ERG: variants seen among roughly 807,000 people sequenced by gnomAD.
The protein encoded by ERG is transcriptional regulator ERG.
A neutral mutation model predicts 55.3 loss-of-function variants in ERG; 9 were observed. That is an observed-to-expected ratio of 0.16 (90% CI 0.10 to 0.28). The LOEUF is 0.28. Among genes scored for constraint, ERG ranks in the 10% least tolerant of loss-of-function variants. The probability of loss-of-function intolerance (pLI) is 1.00; values close to 1 mark genes in which losing one functional copy is unlikely to be tolerated. For missense variants in ERG, 434 were observed against 631.6 expected, an observed-to-expected ratio of 0.69 and a Z score of 3.35; for synonymous variants, 223 against 237.3, an observed-to-expected ratio of 0.94 and a Z score of 0.55.
chr21:38,528,433 CTTTTTTTTTTTTTTTTTT>C (rs869069278), intron 2 of ERG, among the ~76,000 whole-genome samples: 2 of 23,506 alleles, frequency 8.5e-5, no homozygotes, highest in African/African-American at 1.9e-4. Context: ...CCATAGCAAA[CTTTTTTTTTTTTTTTTTT>C]TTTTTTTTTT....
chr21:38,629,900 A>G (rs2049819767), intron 1 of ERG, among the ~76,000 whole-genome samples: 1 of 152,228 alleles, frequency 6.6e-6, no homozygotes, highest in Non-Finnish European at 1.5e-5. Context: ...GTCTATACAT[A>G]CACGGGCATA....
Position 38,440,229 on chromosome 21 carries a change from C to T in ERG, c.236+5175G>A, listed in dbSNP as rs151160284. 4.9e-3 allele frequency among the ~76,000 whole-genome samples: 743 copies of T among 152,346 alleles called. 26 individuals carry two copies. The highest frequency in any genetic ancestry group is 1.2e-3 in the Non-Finnish European group (84 of 68,044). On this transcript the variant is annotated intron_variant, in intron 2 of 9. Coordinates refer to ENST00000288319, the MANE Select transcript of ERG (RefSeq NM_182918.4). Reference sequence around the variant, plus strand: ...CAGGGGCCAGGAGATGGGCTAACTCCCTGGCACAGCTGGCCTGGGGCTTCC... The same window carrying T: ...CAGGGGCCAGGAGATGGGCTAACTCTCTGGCACAGCTGGCCTGGGGCTTCC...
Position 38,403,702 on chromosome 21 carries a change from C to T in ERG, c.396G>A (p.Thr132=), listed in dbSNP as rs745383134. Residue 132 remains threonine, a synonymous_variant, in exon 4 of 10, where the codon ACG becomes ACA. Transcript: ENST00000288319. Reference sequence around the variant, plus strand: ...GCCGCACATGGTCTGTACTCCATAGCGTAGGATCTGAAAGGGGTGGGAACA... The same window carrying T: ...GCCGCACATGGTCTGTACTCCATAGTGTAGGATCTGAAAGGGGTGGGAACA... ...ERRVIVPADP[T]LWSTDHVRQW... is the part of the protein sequence containing the mutation. The T allele has an allele frequency of 5.6e-6, 9 of 1,613,996 alleles. No homozygotes were observed. The highest frequency in any genetic ancestry group is 1.6e-4 in the Middle Eastern group (1 of 6,080).
chr21:38,573,359 AGAGG>A (rs2059972530), intron 2 of ERG, among the ~76,000 whole-genome samples: 1 of 152,232 alleles, frequency 6.6e-6, no homozygotes, highest in Admixed American at 6.5e-5. Flanking sequence ...CAGTTGAGAT[AGAGG>A]AAGGCCACTG....
intron 2 of ERG, among the ~76,000 whole-genome samples, chr21:38,522,749 T>C (rs1041071542): frequency 6.6e-6 from 1 of 152,190 alleles, no homozygotes; most frequent in Non-Finnish European, 1.5e-5. Flanking sequence ...TAAATCAATT[T>C]CAGATTAGAT....
intron 2 of ERG, among the ~76,000 whole-genome samples, chr21:38,572,816 T>C (rs73215999): frequency 5.7e-4 from 87 of 151,836 alleles, no homozygotes; most frequent in Non-Finnish European, 9.7e-4. Flanking sequence ...TGATATTATA[T>C]ATTGACATTA....
chr21:38,507,583 G>A (rs1352140313), intron 2 of ERG, among the ~76,000 whole-genome samples: 2 of 151,820 alleles, frequency 1.3e-5, no homozygotes, highest in Non-Finnish European at 2.9e-5. Context: ...GAGCCCAGGA[G>A]TATCAGGGGA....
intron 2 of ERG, among the ~76,000 whole-genome samples, chr21:38,555,642 TAAA>T (rs762618515): frequency 4.6e-5 from 7 of 151,824 alleles, no homozygotes; most frequent in Non-Finnish European, 7.4e-5. Context: ...TTTGAGGAAA[TAAA>T]GAAGAAAAAT....
intron 2 of ERG, among the ~76,000 whole-genome samples, chr21:38,542,072 G>A (rs139901530): frequency 0.015 from 2,257 of 152,138 alleles, 16 homozygotes; most frequent in Admixed American, 0.023. Flanking sequence ...GTGCAGTGGC[G>A]TGTTCTCAGC....
At chr21:38,592,100 G>C (rs1316539955) in intron 1 of ERG, among the ~76,000 whole-genome samples, 1 of 152,236 alleles carries the variant, frequency 6.6e-6, no homozygotes, top group South Asian at 2.1e-4. Context: ...CTCAGAAGGG[G>C]TGTGCTGCCA....
At chr21:38,538,185 A>G (rs1432070829) in intron 2 of ERG, among the ~76,000 whole-genome samples, 1 of 152,168 alleles carries the variant, frequency 6.6e-6, no homozygotes, top group Non-Finnish European at 1.5e-5. Flanking sequence ...TAGAATGGAA[A>G]GCTATTGTTT....
chr21:38,593,151 C>T (rs2060111106), intron 1 of ERG, among the ~76,000 whole-genome samples: 1 of 152,222 alleles, frequency 6.6e-6, no homozygotes, highest in South Asian at 2.1e-4. Flanking sequence ...ACAAAACACA[C>T]AGCAGCAAAA....
intron 3 of ERG, among the ~76,000 whole-genome samples, chr21:38,404,301 G>A (rs1988656004): frequency 6.6e-6 from 1 of 152,162 alleles, no homozygotes; most frequent in African/African-American, 2.4e-5. Context: ...GTCAGTTCCA[G>A]ACTTTTCCTG....
At chr21:38,650,971 A>G (rs1332636541) in intron 1 of ERG, among the ~76,000 whole-genome samples, 1 of 152,238 alleles carries the variant, frequency 6.6e-6, no homozygotes, top group Non-Finnish European at 1.5e-5. Context: ...TATTATTCTC[A>G]AGAAACATGC....
intron 1 of ERG, among the ~76,000 whole-genome samples, chr21:38,463,980 G>C (rs915945059): frequency 6.6e-6 from 1 of 152,092 alleles, no homozygotes; most frequent in Non-Finnish European, 1.5e-5. Flanking sequence ...AAGCAGCAAG[G>C]GTGCATCAAA....
intron 2 of ERG, among the ~76,000 whole-genome samples, chr21:38,552,829 A>C (rs2059832646): frequency 6.8e-6 from 1 of 148,098 alleles, no homozygotes. Flanking sequence ...AGTCCTAGCC[A>C]GAGCAATCAA....
At chr21:38,491,531 T>C (rs1454124304) in intron 1 of ERG, among the ~76,000 whole-genome samples, 2 of 152,266 alleles carry the variant, frequency 1.3e-5, no homozygotes, top group African/African-American at 2.4e-5. Context: ...CCAAACGTGT[T>C]TAAAGTAACA....
chr21:38,614,026 C>G (rs1300155533), intron 1 of ERG, among the ~76,000 whole-genome samples: 1 of 152,060 alleles, frequency 6.6e-6, no homozygotes, highest in African/African-American at 2.4e-5. Flanking sequence ...GGAGATCATC[C>G]CACTCCACTC....
chr21:38,434,476 A>G (rs918853204), intron 2 of ERG, among the ~76,000 whole-genome samples: 9 of 152,330 alleles, frequency 5.9e-5, no homozygotes, highest in Admixed American at 5.2e-4. Context: ...GGGCCGCCAG[A>G]GAGGAATGTC....
Sources: allele counts gnomAD v4.1 joint callset (sites outside exome capture counted in the v4.1 genomes callset), GRCh38; gene constraint gnomAD v4.1.1; transcripts MANE v1.5; gene names NCBI Gene and HGNC (gene_info 2026-07-23, HGNC 2026-07-21).